Variants in RNF144A observed in about 807,000 individuals in gnomAD.
The protein encoded by RNF144A is E3 ubiquitin-protein ligase RNF144A.
In RNF144A, 11 loss-of-function variants were observed where a neutral mutation model predicts 38.7. The ratio of observed to expected loss-of-function variants is 0.28; its 90% CI spans 0.18 to 0.47. RNF144A has a LOEUF of 0.47. Ranked by LOEUF, RNF144A falls within the 20% of genes least tolerant of loss-of-function variation. RNF144A has a pLI of 0.99. For missense variants in RNF144A, 316 were observed against 377.2 expected, an observed-to-expected ratio of 0.84 and a Z score of 1.34; for synonymous variants, 149 against 143.9, an observed-to-expected ratio of 1.04 and a Z score of -0.25.
chr2:6,939,095 T>C (rs1665796351), intron 1 of RNF144A, among the ~76,000 whole-genome samples: 1 of 152,218 alleles, frequency 6.6e-6, no homozygotes, highest in South Asian at 2.1e-4. Context: ...GTTGGGTGTT[T>C]ACCTAGGTGT....
At chr2:7,038,037 G>C (rs148618185) in intron 8 of RNF144A, among the ~76,000 whole-genome samples, 1 of 152,332 alleles carries the variant, frequency 6.6e-6, no homozygotes, top group African/African-American at 2.4e-5. Context: ...CAGCCATGCC[G>C]CCTGACTCAG....
intron 1 of RNF144A, among the ~76,000 whole-genome samples, chr2:6,921,935 A>G (rs982576638): frequency 6.6e-6 from 1 of 152,192 alleles, no homozygotes; most frequent in African/African-American, 2.4e-5. Flanking sequence ...CAGCTGCCTT[A>G]CCATTGGCCT....
At chr2:6,949,948 ATTAT>A (rs1666573411) in intron 2 of RNF144A, among the ~76,000 whole-genome samples, 1 of 152,034 alleles carries the variant, frequency 6.6e-6, no homozygotes, top group Admixed American at 6.6e-5. Flanking sequence ...CACCATTATT[ATTAT>A]TATTATTTTT....
intron 1 of RNF144A, among the ~76,000 whole-genome samples, chr2:6,927,101 T>C (rs540710749): frequency 6.6e-6 from 1 of 152,360 alleles, no homozygotes; most frequent in East Asian, 1.9e-4. Context: ...TTGCCTGCTC[T>C]TCACGTCTCC....
Position 6,944,840 on chromosome 2 carries a change from T to C in RNF144A, c.-12+3693T>C, listed in dbSNP as rs536189458. 1.1e-4 allele frequency among the ~76,000 whole-genome samples: 16 copies of C among 152,322 alleles called. No individual in the cohort carries two copies. The highest frequency in any genetic ancestry group is 4.1e-4 in the South Asian group (2 of 4,828). ...TGGCTTCATATTCACAAAAGAGTCA[T>C]GGTGAAGTGGCCAAAATACTAGAAA... On this transcript the variant is annotated intron_variant, in intron 2 of 8. Transcript: ENST00000320892. The surrounding 1 kb of genome is among the most constrained non-coding windows in gnomAD (Gnocchi z 4.7).
At chr2:7,029,384 T>C (rs1457676709) in intron 7 of RNF144A, among the ~76,000 whole-genome samples, 1 of 152,114 alleles carries the variant, frequency 6.6e-6, no homozygotes, top group Non-Finnish European at 1.5e-5. Context: ...GGAACACACT[T>C]AGAGAGACCA....
intron 6 of RNF144A, among the ~76,000 whole-genome samples, chr2:7,052,575 A>G (rs1193990818): frequency 6.6e-6 from 1 of 152,300 alleles, no homozygotes; most frequent in African/African-American, 2.4e-5. Context: ...GAGAAGCTCA[A>G]TGTGGTTTAG....
downstream of RNF144A, among the ~76,000 whole-genome samples, chr2:7,046,136 G>T (rs1673299510): frequency 6.6e-6 from 1 of 152,168 alleles, no homozygotes; most frequent in Non-Finnish European, 1.5e-5. Context: ...TTGTTTGCAG[G>T]AGGTACATGA....
chr2:7,006,940 A>G (rs187889747), intron 3 of RNF144A, among the ~76,000 whole-genome samples: 4 of 152,264 alleles, frequency 2.6e-5, no homozygotes, highest in Admixed American at 1.3e-4. Context: ...GATTCCTGAT[A>G]GTGGCTTTGC....
chr2:6,935,891 G>A (rs1207626164), intron 1 of RNF144A, among the ~76,000 whole-genome samples: 2 of 152,224 alleles, frequency 1.3e-5, no homozygotes, highest in Non-Finnish European at 1.5e-5. Flanking sequence ...CTGCTCAAAC[G>A]ACTGTTCAGG....
In RNF144A at chr2:7,039,929, G is replaced by A. The variant is rs1280286204; in HGVS notation, c.*169G>A. 2.3e-5 allele frequency: 33 copies of A among 1,423,526 alleles called. No individual in the cohort carries two copies. The East Asian group carries it at 2.3e-4, about 10-fold the overall frequency. The allele number at this position is 1,423,526 out of a possible 1,614,324, so 88.2% of individuals were successfully genotyped here. On this transcript the variant is annotated 3_prime_UTR_variant, in exon 9 of 9. Coordinates refer to ENST00000320892, the MANE Select transcript of RNF144A (RefSeq NM_014746.6). ...TTCAGGGACCTATGTCACAATGTTCGCTGAGGCCCCAGGTGTGGTGGGGAG... is the reference window on the plus strand; with the variant it reads ...TTCAGGGACCTATGTCACAATGTTCACTGAGGCCCCAGGTGTGGTGGGGAG...
chr2:7,024,531 C>A lies in RNF144A; in HGVS notation c.657+15C>A. ...AGTCTCTGGACGTGAGTACGGCCTT[C>A]AGCTTCACCTTGCGGCATTTAGCTT... On this transcript the variant is annotated intron_variant, in intron 7 of 8. Coordinates refer to ENST00000320892, the MANE Select transcript of RNF144A (RefSeq NM_014746.6). 1 of 1,591,810 alleles carries A rather than the reference C, an allele frequency of 6.3e-7. No homozygotes were observed. The highest frequency in any genetic ancestry group is 8.6e-7 in the Non-Finnish European group (1 of 1,161,856).
At position 7,040,664 on chromosome 2, in the gene RNF144A, T is replaced by A; in HGVS notation, c.*904T>A. ...ATGGTTCTCCTCCGAATTGCTGCCG[T>A]CTGGCCTCTGGCCTCAGTCTTCAGA... is the stretch of plus-strand genomic sequence containing the variant. On this transcript the variant is annotated 3_prime_UTR_variant, in exon 9 of 9. Transcript: ENST00000320892. The A allele has an allele frequency of 1.0e-6, 1 of 985,498 alleles. No homozygotes were observed. The highest frequency in any genetic ancestry group is 1.2e-6 in the Non-Finnish European group (1 of 829,952). The allele number at this position is 985,498 out of a possible 1,614,324, so 61.0% of individuals were successfully genotyped here.
At chr2:6,938,192 A>G (rs1388211454) in intron 1 of RNF144A, among the ~76,000 whole-genome samples, 3 of 148,712 alleles carry the variant, frequency 2.0e-5, no homozygotes, top group Non-Finnish European at 4.5e-5. Flanking sequence ...CGTCTTTTAA[A>G]TTTTTTTCCA....
At position 6,943,110 on chromosome 2, in the gene RNF144A, T is replaced by G. The variant is rs1687369823; in HGVS notation, c.-12+1963T>G. ...TCTGATCGTTTAAGAGGGCGGTATG[T>G]GCTGGAGATGTGATAGGAGTCTTTG... On this transcript the variant is annotated intron_variant, in intron 2 of 8. Transcript: ENST00000320892. The surrounding 1 kb of genome is among the most constrained non-coding windows in gnomAD (Gnocchi z 4.3). Among the ~76,000 whole-genome samples, 3 of 152,358 alleles carry G rather than the reference T, an allele frequency of 2.0e-5. No homozygotes were observed. In the South Asian group the frequency reaches 6.2e-4, roughly 32 times the overall value.
chr2:7,033,958 A>G (rs1672493968), intron 8 of RNF144A, among the ~76,000 whole-genome samples: 1 of 152,196 alleles, frequency 6.6e-6, no homozygotes, highest in East Asian at 1.9e-4. Flanking sequence ...GCGGCTTTCT[A>G]CACGTGGGGA....
rs6709878 is a variant in RNF144A at position 7,024,352 on chromosome 2, C to T, written c.510-17C>T. The T allele has an allele frequency of 0.28, 439,416 of 1,589,464 alleles. 75,416 individuals carry two copies. Among genetic ancestry groups the T allele is most frequent in the African/African-American group, 0.7 (52,151 of 74,690 alleles). ...GGGATCCGTTTGTGCAGAGTCCTCA[C>T]GGCGTTTCTCCCACAGTGCTGCTTT... On this transcript the variant is annotated splice_polypyrimidine_tract_variant and intron_variant, in intron 6 of 8. Transcript: ENST00000320892.
rs1672921458 is a variant in RNF144A, at chr2:7,039,632, G to A, written c.751G>A (p.Val251Met). 7 of 1,613,810 alleles carry A rather than the reference G, an allele frequency of 4.3e-6. No individual in the cohort carries two copies. The highest frequency in any genetic ancestry group is 5.1e-6 in the Non-Finnish European group (6 of 1,179,938). The change falls in exon 9 of 9, where the codon GTG becomes ATG. Residue 251 changes from valine (V) to methionine (M), a missense_variant. By Grantham distance (21) the Val-to-Met change is conservative. Coordinates refer to ENST00000320892, the MANE Select transcript of RNF144A (RefSeq NM_014746.6). ...CCCCTTTGTTTCTTTCTTCCAGGTTGTGGGCATTTTTGCAGGATTTGGGCT... is the reference window on the plus strand; with the variant it reads ...CCCCTTTGTTTCTTTCTTCCAGGTTATGGGCATTTTTGCAGGATTTGGGCT... ...ASVIWHRTQV[V>M]GIFAGFGLLL...
Position 7,041,755 on chromosome 2 carries a change from T to A in RNF144A, c.*1995T>A. The A allele has an allele frequency of 3.0e-6, 3 of 985,622 alleles. No individual in the cohort carries two copies. The highest frequency in any genetic ancestry group is 3.6e-6 in the Non-Finnish European group (3 of 830,092). The allele number at this position is 985,622 out of a possible 1,614,324, so 61.1% of individuals were successfully genotyped here. On this transcript the variant is annotated 3_prime_UTR_variant, in exon 9 of 9. Coordinates refer to ENST00000320892, the MANE Select transcript of RNF144A (RefSeq NM_014746.6). ...AGGACACGCCTCCACCATATGCTCA[T>A]CCTTCCTGCCTGAAATTGCTGCTGC... is the stretch of plus-strand genomic sequence containing the variant.
Sources: allele counts gnomAD v4.1 joint callset (sites outside exome capture counted in the v4.1 genomes callset), GRCh38; gene constraint gnomAD v4.1.1; non-coding constraint Gnocchi (gnomAD v3.1); transcripts MANE v1.5; gene names NCBI Gene and HGNC (gene_info 2026-07-23, HGNC 2026-07-21).